KIF7: variants seen among roughly 807,000 people sequenced by gnomAD.
The protein encoded by KIF7 is kinesin-like protein KIF7.
In KIF7, 104 loss-of-function variants were observed where a neutral mutation model predicts 135.7. The observed-to-expected ratio is 0.77, with a 90% CI of 0.65 to 0.90. KIF7 has a LOEUF of 0.90. Ranked by LOEUF, KIF7 falls within the 40% of genes least tolerant of loss-of-function variation. KIF7 has a pLI of 0.00. For missense variants in KIF7, 2,005 were observed against 1,839.1 expected (o/e 1.09, Z -1.65); for synonymous variants, 883 against 809.4 (o/e 1.09, Z -1.54).
intron 3 of KIF7, 34 bp from the exon 4 acceptor site, chr15:89,649,401 G>A: frequency 1.4e-6 from 2 of 1,445,348 alleles, no homozygotes; most frequent in South Asian, 3.0e-5. Flanking sequence ...CCCCAGGGCA[G>A]GGGCCGCCAG....
Position 89,630,407 on chromosome 15 carries a change from G to A in KIF7, c.3198C>T (p.Arg1066=), listed in dbSNP as rs758270931. ...AGGCTGAGGCCCGAAGCACCCGCTG[G>A]CGGCATGTGATGGCCTCATTCTTAT... is the stretch of plus-strand genomic sequence containing the variant. The part of the protein sequence containing the change: ...IEYKNEAITC[R]QRVLRASASL... The change falls in exon 16 of 19, where the codon CGC becomes CGT. Residue 1066 remains arginine (R), a synonymous_variant. Coordinates refer to ENST00000394412, the MANE Select transcript of KIF7 (RefSeq NM_198525.3). 2.5e-6 allele frequency: 4 copies of A among 1,611,126 alleles called. No individual in the cohort carries two copies. Among genetic ancestry groups the A allele is most frequent in the Non-Finnish European group, 3.4e-6 (4 of 1,178,642 alleles).
rs565633539 is a variant in KIF7 at position 89,645,130 on chromosome 15, G to C, written c.2074C>G (p.Gln692Glu). ...TCTGAGGCTGTGGCAGGGGGGACCTGGCGGGCCTGAACTCGGGCCTTGCTC... is the reference window on the plus strand; with the variant it reads ...TCTGAGGCTGTGGCAGGGGGGACCTCGCGGGCCTGAACTCGGGCCTTGCTC... ...GGSKARVQAR[Q>E]VPPATASEWR... is the part of the protein sequence containing the mutation. Residue 692 changes from glutamine to glutamate, a missense_variant, in exon 10 of 19, where the codon CAG (glutamine) becomes GAG (glutamate). Physicochemically the swap from Gln to Glu is conservative, Grantham distance 29. Coordinates refer to ENST00000394412, the MANE Select transcript of KIF7 (RefSeq NM_198525.3). 5.4e-4 allele frequency: 870 copies of C among 1,604,950 alleles called. 16 individuals are homozygous for C. The South Asian group carries it at 9.2e-3, about 17-fold the overall frequency.
At position 89,630,479 on chromosome 15, in the gene KIF7, C is replaced by A; in HGVS notation, c.3126G>T (p.Leu1042=). 6.5e-7 allele frequency: 1 copy of A among 1,548,080 alleles called. No individual in the cohort carries two copies. Among genetic ancestry groups the A allele is most frequent in the Non-Finnish European group, 8.7e-7 (1 of 1,147,410 alleles). ...SLLSPEEERT[L]FQLDEAIEAL... ...CCTCGATGGCCTCATCCAACTGGAA[C>A]AGCGTCCGCTCCTCCTGCAGAGACG... Residue 1042 remains leucine (L), a synonymous_variant, in exon 16 of 19, where the codon CTG becomes CTT. Transcript: ENST00000394412.
Position 89,629,383 on chromosome 15 carries a change from T to C in KIF7, c.3509A>G (p.Gln1170Arg). Residue 1170 changes from glutamine to arginine, a missense_variant, in exon 17 of 19, where the codon CAG becomes CGG. Physicochemically the swap from Gln to Arg is conservative, Grantham distance 43 (BLOSUM62 1). Transcript: ENST00000394412. Reference sequence around the variant, plus strand: ...TGGGCCGGGCTGCTCACCTCGACTCTGCTGCAGGAGCAGCTGCATGTTCTG... The same window carrying C: ...TGGGCCGGGCTGCTCACCTCGACTCCGCTGCAGGAGCAGCTGCATGTTCTG... ...HEQNMQLLLQ[Q>R]SRDHLGEGLA... The C allele has an allele frequency of 6.3e-7, 1 of 1,596,978 alleles. No individual in the cohort carries two copies. The highest frequency in any genetic ancestry group is 8.5e-7 in the Non-Finnish European group (1 of 1,176,264).
chr15:89,650,033 G>A (rs141720203), intron 2 of KIF7, 92 bp from the exon 3 acceptor site: 1 of 1,300,686 alleles, frequency 7.7e-7, no homozygotes. Context: ...GCCAGAGCTG[G>A]AGGATGGTGC....
chr15:89,647,022 C>G lies in KIF7; in HGVS notation c.1596G>C (p.Val532=). The G allele has an allele frequency of 6.2e-7, 1 of 1,610,120 alleles. No homozygotes were observed. The highest frequency in any genetic ancestry group is 8.5e-7 in the Non-Finnish European group (1 of 1,178,744). ...DRLREQQEEM[V]ELRLRLELVR... ...CCAGCTCTAACCGCAGCCGCAGTTC[C>G]ACCATCTCCTCCTGCTGCTCACGCA... The change falls in exon 7 of 19, where the codon GTG becomes GTC. Residue 532 remains valine (V), a synonymous_variant. Transcript: ENST00000394412.
At chr15:89,640,603 A>C (rs1246663155) in intron 11 of KIF7, among the ~76,000 whole-genome samples, 1 of 152,086 alleles carries the variant, frequency 6.6e-6, no homozygotes, top group African/African-American at 2.4e-5. Flanking sequence ...GAACTGAGAA[A>C]ATAAGGATGG....
rs1029910760 is a variant in KIF7, at chr15:89,647,455, C to G, written c.1560+141G>C. On this transcript the variant is annotated intron_variant, in intron 6 of 18. Transcript: ENST00000394412. ...GTTGTGATGCTCACCTCCACACTTTCGCTCATGTGCACCTCCTGACTCTAC... is the reference window on the plus strand; with the variant it reads ...GTTGTGATGCTCACCTCCACACTTTGGCTCATGTGCACCTCCTGACTCTAC... 4 of 760,056 alleles carry G rather than the reference C, an allele frequency of 5.3e-6. No homozygotes were observed. In the African/African-American group the frequency reaches 6.8e-5, roughly 13 times the overall value. The allele number at this position is 760,056 out of a possible 1,614,324, so 47.1% of individuals were successfully genotyped here.
chr15:89,627,098 A>T (rs781047388), downstream of KIF7: 1 of 1,613,656 alleles, frequency 6.2e-7, no homozygotes, highest in East Asian at 2.2e-5. Flanking sequence ...CACAAACATT[A>T]CTGAGCCCAA....
Position 89,649,064 on chromosome 15 carries a change from C to T in KIF7, c.833G>A (p.Ser278Asn). The T allele has an allele frequency of 6.5e-7, 1 of 1,548,278 alleles. No homozygotes were observed. Among genetic ancestry groups the T allele is most frequent in the Non-Finnish European group, 8.7e-7 (1 of 1,146,788 alleles). Reference protein sequence around the residue: ...RLKESIQINSSLLALGNVISA... With the variant: ...RLKESIQINSNLLALGNVISA... ...GATGACGTTGCCCAGCGCCAGGAGGCTGCTGTTGATCTGGATGCTCTCCTT... is the reference window on the plus strand; with the variant it reads ...GATGACGTTGCCCAGCGCCAGGAGGTTGCTGTTGATCTGGATGCTCTCCTT... Residue 278 changes from serine (S) to asparagine (N), a missense_variant, in exon 4 of 19, where the codon AGC (serine) becomes AAC (asparagine). By Grantham distance (46) the Ser-to-Asn change is conservative. Coordinates refer to ENST00000394412, the MANE Select transcript of KIF7 (RefSeq NM_198525.3).
intron 2 of KIF7, among the ~76,000 whole-genome samples, chr15:89,651,906 G>T (rs576031825): frequency 1.3e-5 from 2 of 152,256 alleles, no homozygotes; most frequent in African/African-American, 4.8e-5. Context: ...CCCCTTCTGT[G>T]TACTACCATG....
intron 1 of KIF7, among the ~76,000 whole-genome samples, chr15:89,618,910 G>A (rs935867325): frequency 6.6e-6 from 1 of 152,222 alleles, no homozygotes. Flanking sequence ...AGTGAGCTAT[G>A]ATCGTGCCTC....
At chr15:89,652,575 G>C (rs892495216) in intron 2 of KIF7, 28 bp downstream of exon 2, 2 of 1,468,858 alleles carry the variant, frequency 1.4e-6, no homozygotes, top group African/African-American at 2.8e-5. Flanking sequence ...CTTAAAGTGG[G>C]CACAGGGCCA....
downstream of KIF7, chr15:89,623,979 C>G (rs1247744268): frequency 1.2e-6 from 2 of 1,613,938 alleles, no homozygotes; most frequent in South Asian, 1.1e-5. Flanking sequence ...CAGAAAGCCC[C>G]TCCTGTCCAG....
At chr15:89,622,231 C>G (rs1262641054) in intron 1 of KIF7, among the ~76,000 whole-genome samples, 9 of 152,148 alleles carry the variant, frequency 5.9e-5, no homozygotes, top group Non-Finnish European at 4.4e-5. Context: ...AGTGATCCAC[C>G]TGCCTCAGCC....
chr15:89,655,156 C>A (rs546155275), intron 1 of KIF7, among the ~76,000 whole-genome samples: 5 of 152,350 alleles, frequency 3.3e-5, no homozygotes, highest in South Asian at 2.1e-4. Flanking sequence ...GCGCTCGCCC[C>A]TCCACGCAGG....
At chr15:89,647,277 C>A (rs1332422682) in intron 6 of KIF7, among the ~76,000 whole-genome samples, 2 of 152,120 alleles carry the variant, frequency 1.3e-5, no homozygotes, top group African/African-American at 4.8e-5. Context: ...CACCTCCAAC[C>A]GCCGCCACCA....
chr15:89,621,386 CT>C, intron 1 of KIF7: 1 of 1,589,542 alleles, frequency 6.3e-7, no homozygotes, highest in Admixed American at 1.9e-5. Context: ...CTGTTTTTGA[CT>C]TGCAGACCAA....
At chr15:89,624,486 A>G, downstream of KIF7, 1 of 1,614,112 alleles carries the variant, frequency 6.2e-7, no homozygotes, top group Non-Finnish European at 8.5e-7. Flanking sequence ...CTGATCCCAG[A>G]AGGAGCATCG....
Sources: allele counts gnomAD v4.1 joint callset (sites outside exome capture counted in the v4.1 genomes callset), GRCh38; gene constraint gnomAD v4.1.1; transcripts MANE v1.5; gene names NCBI Gene and HGNC (gene_info 2026-07-23, HGNC 2026-07-21).